HORMAD1: variants seen among roughly 807,000 people sequenced by gnomAD.
HORMAD1 encodes the protein HORMA domain-containing protein 1.
Under a neutral mutation model 58.2 loss-of-function variants are expected in HORMAD1, and 33 were observed. The observed-to-expected ratio is 0.57, with a 90% CI of 0.43 to 0.76. The LOEUF (loss-of-function observed/expected upper bound fraction) is 0.76. Ranked by LOEUF, HORMAD1 falls within the 30% of genes least tolerant of loss-of-function variation. The probability of loss-of-function intolerance (pLI) is 0.00; values close to 1 mark genes in which losing one functional copy is unlikely to be tolerated. For synonymous variants in HORMAD1, 137 were observed against 144.6 expected, an observed-to-expected ratio of 0.95 and a Z score of 0.38; for missense variants, 363 against 462.0, an observed-to-expected ratio of 0.79 and a Z score of 1.96.
chr1:150,711,731 G>A (rs1651911489), intron 6 of HORMAD1, 102 bp downstream of exon 6: 11 of 944,182 alleles, frequency 1.2e-5, no homozygotes, highest in Non-Finnish European at 1.9e-5. Flanking sequence ...TCAGTTATTT[G>A]AATAATGTGA....
chr1:150,708,880 C>T lies in HORMAD1; in HGVS notation c.395+14G>A. ...GGTAATCTGTAATACAAACAGAAAA[C>T]TATAGAACAATACCTTATGAAGTCC... On this transcript the variant is annotated intron_variant, in intron 8 of 14. Transcript: ENST00000361824. 2 of 1,315,338 alleles carry T rather than the reference C, an allele frequency of 1.5e-6. No homozygotes were observed. Among genetic ancestry groups the T allele is most frequent in the South Asian group, 1.2e-5 (1 of 84,474 alleles). 81.5% of individuals were successfully genotyped at this position (1,315,338 alleles called of 1,614,324 possible).
intron 7 of HORMAD1, among the ~76,000 whole-genome samples, chr1:150,709,673 A>G (rs1571072443): frequency 6.6e-6 from 1 of 151,514 alleles, no homozygotes; most frequent in South Asian, 2.1e-4. Flanking sequence ...AAAAGAGGAA[A>G]GCCTCTTGCA....
intron 7 of HORMAD1, among the ~76,000 whole-genome samples, chr1:150,709,719 C>T (rs1201749171): frequency 6.6e-6 from 1 of 151,940 alleles, no homozygotes; most frequent in Non-Finnish European, 1.5e-5. Flanking sequence ...TCCTGCCTGC[C>T]CCTGGGAACT....
chr1:150,717,544 A>AT (rs1184204282), intron 2 of HORMAD1, among the ~76,000 whole-genome samples: 1 of 151,858 alleles, frequency 6.6e-6, no homozygotes, highest in Non-Finnish European at 1.5e-5. Context: ...TTGAGACAGG[A>AT]TCTCACTGTA....
At chr1:150,710,228 A>G (rs1167554587) in intron 7 of HORMAD1, among the ~76,000 whole-genome samples, 5 of 151,856 alleles carry the variant, frequency 3.3e-5, no homozygotes, top group Admixed American at 2.6e-4. Flanking sequence ...TTTATACCAC[A>G]TGGAAGGAAC....
At chr1:150,709,937 T>C (rs1468809850) in intron 7 of HORMAD1, among the ~76,000 whole-genome samples, 1 of 152,172 alleles carries the variant, frequency 6.6e-6, no homozygotes, top group Non-Finnish European at 1.5e-5. Context: ...ATGACATAGA[T>C]TCTATTGCTC....
chr1:150,704,108 A>G lies in HORMAD1; in HGVS notation c.948+10T>C. ...AAAACAAAAGTGAGATGAAACTATC[A>G]AGTTTATACCTGAGAATGAGAAATA... On this transcript the variant is annotated intron_variant, in intron 12 of 14. Coordinates refer to ENST00000361824, the MANE Select transcript of HORMAD1 (RefSeq NM_032132.5). 1 of 1,549,080 alleles carries G rather than the reference A, an allele frequency of 6.5e-7. No homozygotes were observed. The highest frequency in any genetic ancestry group is 1.2e-5 in the South Asian group (1 of 81,626).
intron 13 of HORMAD1, among the ~76,000 whole-genome samples, chr1:150,700,997 G>A (rs1182080038): frequency 1.3e-5 from 2 of 152,016 alleles, no homozygotes; most frequent in Non-Finnish European, 2.9e-5. Context: ...CTTCTTTTCT[G>A]ATGCTTGAAA....
chr1:150,709,297 ATGT>A (rs1305055559), intron 7 of HORMAD1, among the ~76,000 whole-genome samples: 1 of 152,206 alleles, frequency 6.6e-6, no homozygotes, highest in Non-Finnish European at 1.5e-5. Flanking sequence ...CTTTGCTGAG[ATGT>A]TGTTAATTTG....
chr1:150,707,849 T>C (rs967637169), intron 9 of HORMAD1, among the ~76,000 whole-genome samples: 6 of 152,110 alleles, frequency 3.9e-5, no homozygotes, highest in African/African-American at 1.2e-4. Context: ...GACAGGAGAA[T>C]TGCTTGAACC....
At chr1:150,699,817 C>CCACT (rs1422704847) in intron 14 of HORMAD1, among the ~76,000 whole-genome samples, 1 of 152,000 alleles carries the variant, frequency 6.6e-6, no homozygotes, top group Non-Finnish European at 1.5e-5. Flanking sequence ...CAGGCATGAG[C>CCACT]CACTGCACCC....
At chr1:150,716,990 C>T (rs1054753854) in intron 3 of HORMAD1, 148 bp downstream of exon 3, 1 of 418,496 alleles carries the variant, frequency 2.4e-6, no homozygotes, top group Non-Finnish European at 4.2e-6. Flanking sequence ...GAAATGTACA[C>T]TTTAAACAAG....
intron 10 of HORMAD1, among the ~76,000 whole-genome samples, chr1:150,705,754 C>A (rs925084772): frequency 6.6e-6 from 1 of 151,946 alleles, no homozygotes; most frequent in Non-Finnish European, 1.5e-5. Context: ...AAGTTTTTTT[C>A]TTTAACTGAA....
intron 7 of HORMAD1, among the ~76,000 whole-genome samples, chr1:150,710,989 T>A (rs1651859377): frequency 6.6e-6 from 1 of 152,210 alleles, no homozygotes; most frequent in African/African-American, 2.4e-5. Context: ...TAATAGTGGT[T>A]ACCTCATGAA....
chr1:150,704,022 G>A, intron 12 of HORMAD1, 96 bp downstream of exon 12: 1 of 742,132 alleles, frequency 1.3e-6, no homozygotes, highest in South Asian at 2.1e-5. Flanking sequence ...TATTCTAAAA[G>A]ACCTGGAATA....
chr1:150,699,370 T>A (rs774091185), intron 14 of HORMAD1, among the ~76,000 whole-genome samples: 1 of 152,200 alleles, frequency 6.6e-6, no homozygotes, highest in Non-Finnish European at 1.5e-5. Flanking sequence ...GGAACACATG[T>A]ATTTAGTAAA....
intron 1 of HORMAD1, among the ~76,000 whole-genome samples, chr1:150,720,363 TA>T (rs1306722388): frequency 2.0e-4 from 31 of 151,954 alleles, no homozygotes; most frequent in Non-Finnish European, 1.5e-5. Context: ...GCCCGGCCGC[TA>T]ATTTTTTTTT....
At chr1:150,704,387 G>A (rs1651625687) in intron 10 of HORMAD1, 44 bp from the exon 11 acceptor site, 1 of 1,253,588 alleles carries the variant, frequency 8.0e-7, no homozygotes, top group South Asian at 1.3e-5. Flanking sequence ...TTTCAAAAAG[G>A]AACTAAAACA....
chr1:150,706,818 A>C lies in HORMAD1; in HGVS notation c.548-9T>G, dbSNP rs1227522260. ...GTAATCTGGGGGTGTAACTGCAAAAAAGTAAGTGTAAACTGTGCTGTTCAT... is the reference window on the plus strand; with the variant it reads ...GTAATCTGGGGGTGTAACTGCAAAACAGTAAGTGTAAACTGTGCTGTTCAT... On this transcript the variant is annotated splice_polypyrimidine_tract_variant and intron_variant, in intron 9 of 14. Coordinates refer to ENST00000361824, the MANE Select transcript of HORMAD1 (RefSeq NM_032132.5). 3 of 1,601,890 alleles carry C rather than the reference A, an allele frequency of 1.9e-6. No homozygotes were observed. The highest frequency in any genetic ancestry group is 2.2e-5 in the South Asian group (2 of 89,898).
Sources: gnomAD v4.1 joint callset for allele counts (sites outside exome capture counted in the v4.1 genomes callset) on GRCh38, gnomAD v4.1.1 for gene constraint, MANE v1.5 for transcripts, NCBI Gene and HGNC (gene_info 2026-07-23, HGNC 2026-07-21) for gene names.